The following REEP1 variants were observed in gnomAD, a reference collection of about 807,000 sequenced individuals.
REEP1 encodes receptor expression-enhancing protein 1.
REEP1 carries 22 observed loss-of-function variants against 40.3 expected under a neutral mutation model. That is an observed-to-expected ratio of 0.55 (90% CI 0.39 to 0.78). The LOEUF (loss-of-function observed/expected upper bound fraction) is 0.78. Ranked by LOEUF, REEP1 falls within the 30% of genes least tolerant of loss-of-function variation. REEP1 has a pLI of 0.00. For missense variants in REEP1, 280 were observed against 361.1 expected, an observed-to-expected ratio of 0.78 and a Z score of 1.82; for synonymous variants, 116 against 139.2, an observed-to-expected ratio of 0.83 and a Z score of 1.17.
At chr2:86,294,909 T>G (rs1375985910) in intron 1 of REEP1, among the ~76,000 whole-genome samples, 1 of 152,176 alleles carries the variant, frequency 6.6e-6, no homozygotes, top group Non-Finnish European at 1.5e-5. Flanking sequence ...AAAGCACGGT[T>G]GTTACCTCAC....
intron 1 of REEP1, among the ~76,000 whole-genome samples, chr2:86,302,303 C>T (rs1432697923): frequency 6.6e-6 from 1 of 152,218 alleles, no homozygotes; most frequent in African/African-American, 2.4e-5. Context: ...GCTCCTATCA[C>T]AAGAAAAGCT....
At chr2:86,289,995 TC>T (rs1678607331) in intron 1 of REEP1, among the ~76,000 whole-genome samples, 1 of 152,116 alleles carries the variant, frequency 6.6e-6, no homozygotes, top group Non-Finnish European at 1.5e-5. Flanking sequence ...ATATGCTCTT[TC>T]TTTCTTTTTT....
At chr2:86,290,447 C>T (rs1558918022) in intron 1 of REEP1, among the ~76,000 whole-genome samples, 1 of 152,108 alleles carries the variant, frequency 6.6e-6, no homozygotes, top group African/African-American at 2.4e-5. Flanking sequence ...CCACTATACA[C>T]CTGACCTTTA....
chr2:86,322,526 C>A (rs1000978340), intron 1 of REEP1, among the ~76,000 whole-genome samples: 2 of 152,110 alleles, frequency 1.3e-5, no homozygotes, highest in African/African-American at 4.8e-5. Flanking sequence ...ACCACAGCTA[C>A]TCTTGACCTC....
chr2:86,256,297 G>A (rs1022491550), intron 3 of REEP1, among the ~76,000 whole-genome samples: 7 of 149,038 alleles, frequency 4.7e-5, no homozygotes, highest in African/African-American at 7.4e-5. Flanking sequence ...GCAGTGAGCC[G>A]AGATCGCGCC....
At position 86,287,041 on chromosome 2, in the gene REEP1, G is replaced by A. The variant is rs529149326; in HGVS notation, c.33-4799C>T. Among the ~76,000 whole-genome samples, 6 of 152,228 alleles carry A rather than the reference G, an allele frequency of 3.9e-5. No individual in the cohort carries two copies. In the South Asian group the frequency reaches 8.3e-4, roughly 21 times the overall value. On this transcript the variant is annotated intron_variant, in intron 1 of 8. Transcript: ENST00000538924. ...TCTGGAATGCTGTGTTTCTTGACCT[G>A]AGCACTTGCTTTATAATGACAAATA...
At chr2:86,267,729 T>C (rs1677223483) in intron 2 of REEP1, among the ~76,000 whole-genome samples, 1 of 152,064 alleles carries the variant, frequency 6.6e-6, no homozygotes, top group African/African-American at 2.4e-5. Flanking sequence ...AAAACTGTTT[T>C]GCTTCAAAGG....
rs1179035866 is a variant in REEP1 at position 86,215,612 on chromosome 2, A to AAAT, written c.*1424_*1426dup. 41 of 152,654 alleles carry AAAT rather than the reference A, an allele frequency of 2.7e-4. No individual in the cohort carries two copies. 9.5% of individuals were successfully genotyped at this position (152,654 alleles called of 1,614,324 possible). A position where few individuals can be genotyped will look rare whatever the true frequency, so the allele number is the denominator to read the frequency against. On this transcript the variant is annotated 3_prime_UTR_variant, in exon 9 of 9. Coordinates refer to ENST00000538924, the MANE Select transcript of REEP1 (RefSeq NM_001371279.1). ...TGAAAGAAACACCAACTCGAAGCAC[A>AAAT]AATATATTATTCTTATATTTCGGCT...
intron 2 of REEP1, among the ~76,000 whole-genome samples, chr2:86,274,161 A>G (rs986248365): frequency 7.2e-5 from 11 of 152,268 alleles, no homozygotes; most frequent in Admixed American, 7.2e-4. Flanking sequence ...CTGCATAAAC[A>G]TAGGAAGAAA....
intron 1 of REEP1, among the ~76,000 whole-genome samples, chr2:86,329,972 G>C (rs1008947918): frequency 1.3e-5 from 2 of 152,208 alleles, no homozygotes; most frequent in African/African-American, 4.8e-5. Flanking sequence ...AGGCTTCATG[G>C]AGAAAGGTAG....
intron 1 of REEP1, among the ~76,000 whole-genome samples, chr2:86,301,678 A>T (rs1679262003): frequency 6.6e-6 from 1 of 152,260 alleles, no homozygotes; most frequent in African/African-American, 2.4e-5. Context: ...CATCCTCACC[A>T]CATATGATCA....
intron 7 of REEP1, 87 bp downstream of exon 7, chr2:86,227,276 G>T: frequency 1.8e-6 from 2 of 1,085,890 alleles, no homozygotes; most frequent in Non-Finnish European, 2.3e-6. Flanking sequence ...CTGAAAGGGA[G>T]CCCCAGGGTC....
intron 1 of REEP1, among the ~76,000 whole-genome samples, chr2:86,323,553 AG>A (rs1205337181): frequency 6.6e-6 from 1 of 152,170 alleles, no homozygotes; most frequent in Non-Finnish European, 1.5e-5. Context: ...TGAGAGACTT[AG>A]GTTGCACAGC....
intron 3 of REEP1, among the ~76,000 whole-genome samples, chr2:86,257,978 A>G (rs1044075267): frequency 6.6e-6 from 1 of 152,154 alleles, no homozygotes; most frequent in Non-Finnish European, 1.5e-5. Flanking sequence ...TCAGGCCCCC[A>G]TGAATGGATA....
At chr2:86,328,868 G>A (rs1680632726) in intron 1 of REEP1, among the ~76,000 whole-genome samples, 1 of 152,152 alleles carries the variant, frequency 6.6e-6, no homozygotes, top group Non-Finnish European at 1.5e-5. Context: ...GCGTCTAGGG[G>A]TGTGTTACAA....
chr2:86,279,315 G>T (rs1037297138), intron 2 of REEP1, among the ~76,000 whole-genome samples: 1 of 152,238 alleles, frequency 6.6e-6, no homozygotes, highest in Non-Finnish European at 1.5e-5. Context: ...GGTGTTAAAT[G>T]CTGTAATGAA....
At chr2:86,271,721 T>C (rs1677463257) in intron 2 of REEP1, among the ~76,000 whole-genome samples, 1 of 152,220 alleles carries the variant, frequency 6.6e-6, no homozygotes, top group South Asian at 2.1e-4. Flanking sequence ...GTAGCAGCAC[T>C]GACTCCTTAG....
At chr2:86,225,838 G>C (rs953687566) in intron 7 of REEP1, among the ~76,000 whole-genome samples, 1 of 152,222 alleles carries the variant, frequency 6.6e-6, no homozygotes, top group Admixed American at 6.5e-5. Flanking sequence ...GCCTAAGGCA[G>C]CTTCTCTATG....
chr2:86,219,026 C>T (rs1674273156), intron 8 of REEP1, among the ~76,000 whole-genome samples: 1 of 152,204 alleles, frequency 6.6e-6, no homozygotes, highest in Non-Finnish European at 1.5e-5. Context: ...GGGGTCCCTG[C>T]ACCTGTGCTC....
Sources: allele counts gnomAD v4.1 joint callset (sites outside exome capture counted in the v4.1 genomes callset), GRCh38; gene constraint gnomAD v4.1.1; transcripts MANE v1.5; gene names NCBI Gene and HGNC (gene_info 2026-07-23, HGNC 2026-07-21).